The following ZSCAN5A variants were observed in gnomAD, a reference collection of about 807,000 sequenced individuals.
ZSCAN5A encodes zinc finger and SCAN domain-containing protein 5A.
A neutral mutation model predicts 23.7 loss-of-function variants in ZSCAN5A; 12 were observed. The ratio of observed to expected loss-of-function variants is 0.51; its 90% confidence interval spans 0.32 to 0.82. ZSCAN5A has a LOEUF of 0.82. ZSCAN5A is among the 40% of genes least tolerant of loss of function. ZSCAN5A has a pLI of 0.03. For synonymous variants in ZSCAN5A, 257 were observed against 239.9 expected (o/e 1.07, Z -0.66); for missense variants, 597 against 617.9 (o/e 0.97, Z 0.36).
intron 2 of ZSCAN5A, among the ~76,000 whole-genome samples, chr19:56,345,670 T>C (rs934145399): frequency 6.6e-6 from 1 of 152,190 alleles, no homozygotes; most frequent in Admixed American, 6.5e-5. Context: ...ATAGGGATTA[T>C]CTATCCTTTA....
intron 2 of ZSCAN5A, among the ~76,000 whole-genome samples, chr19:56,262,311 G>A (rs923962084): frequency 2.6e-5 from 4 of 151,916 alleles, no homozygotes; most frequent in African/African-American, 4.8e-5. Flanking sequence ...GAGCCACCGT[G>A]CCCGGCCCAC....
chr19:56,361,090 A>G (rs1568767896), intron 2 of ZSCAN5A, among the ~76,000 whole-genome samples: 1 of 152,246 alleles, frequency 6.6e-6, no homozygotes, highest in African/African-American at 2.4e-5. Context: ...AAAAAGCTGA[A>G]TATCACTGAT....
chr19:56,288,403 C>T (rs1019687280), intron 2 of ZSCAN5A, among the ~76,000 whole-genome samples: 1 of 152,206 alleles, frequency 6.6e-6, no homozygotes, highest in African/African-American at 2.4e-5. Flanking sequence ...CACAACATCA[C>T]TTCCCTCAAG....
intron 2 of ZSCAN5A, among the ~76,000 whole-genome samples, chr19:56,254,976 T>G (rs2036597291): frequency 6.6e-6 from 1 of 152,144 alleles, no homozygotes; most frequent in African/African-American, 2.4e-5. Context: ...GGTATCCCCC[T>G]ATTCCATTGG....
At chr19:56,302,461 C>T (rs1204714450) in intron 2 of ZSCAN5A, among the ~76,000 whole-genome samples, 1 of 144,636 alleles carries the variant, frequency 6.9e-6, no homozygotes, top group Admixed American at 6.9e-5. Flanking sequence ...TCTCCGTCTG[C>T]TTCCTCCCTC....
intron 2 of ZSCAN5A, among the ~76,000 whole-genome samples, chr19:56,286,045 G>A (rs1023916271): frequency 6.6e-5 from 10 of 152,000 alleles, no homozygotes; most frequent in Admixed American, 2.0e-4. Flanking sequence ...ATTTAGAGAC[G>A]GAGTCTCGCT....
chr19:56,260,664 A>G (rs775571595), intron 2 of ZSCAN5A, among the ~76,000 whole-genome samples: 1 of 152,208 alleles, frequency 6.6e-6, no homozygotes, highest in Non-Finnish European at 1.5e-5. Context: ...ATAAAGCTAC[A>G]GTGACCATCT....
Position 56,351,302 on chromosome 19 carries a change from C to T in ZSCAN5A, c.-358+11933G>A, listed in dbSNP as rs2041666029. 2.0e-5 allele frequency among the ~76,000 whole-genome samples: 3 copies of T among 152,056 alleles called. No homozygotes were observed. Among genetic ancestry groups the T allele is most frequent in the Admixed American group, 2.0e-4 (3 of 15,274 alleles). ...GTCCACTCAACATGGTGATTCCCAC[C>T]GTCTTCTCCTTGTTACCACCTGTGC... On this transcript the variant is annotated intron_variant, in intron 2 of 6. Coordinates refer to the ZSCAN5A transcript ENST00000587340. The surrounding 1 kb of genome is among the most constrained non-coding windows in gnomAD (Gnocchi z 4.8).
At chr19:56,319,770 A>G (rs1408462501), upstream of ZSCAN5A, 1 of 762,108 alleles carries the variant, frequency 1.3e-6, no homozygotes, top group Non-Finnish European at 2.4e-6. Context: ...GTCGCATCCT[A>G]AGCCCGGTCC....
intron 2 of ZSCAN5A, among the ~76,000 whole-genome samples, chr19:56,344,226 T>C (rs1272694518): frequency 6.6e-6 from 1 of 152,252 alleles, no homozygotes; most frequent in African/African-American, 2.4e-5. Context: ...ATAACAGTCC[T>C]TTCCCAAAAC....
At chr19:56,239,271 A>G (rs2035222632) in intron 2 of ZSCAN5A, among the ~76,000 whole-genome samples, 1 of 152,256 alleles carries the variant, frequency 6.6e-6, no homozygotes, top group African/African-American at 2.4e-5. Context: ...CTCTGAATTA[A>G]AAATGAATGA....
intron 2 of ZSCAN5A, chr19:56,228,482 A>G (rs976897791): frequency 2.1e-6 from 2 of 971,478 alleles, no homozygotes; most frequent in Non-Finnish European, 2.4e-6. Context: ...AAACATGCCT[A>G]CTGTGCAAAT....
chr19:56,247,270 T>C (rs2035990680), intron 2 of ZSCAN5A: 1 of 349,502 alleles, frequency 2.9e-6, no homozygotes, highest in African/African-American at 2.1e-5. Flanking sequence ...GATGTTCTCC[T>C]TGAAGTGTCA....
At chr19:56,232,914 C>G (rs1367555147) in intron 2 of ZSCAN5A, among the ~76,000 whole-genome samples, 1 of 152,034 alleles carries the variant, frequency 6.6e-6, no homozygotes, top group Non-Finnish European at 1.5e-5. Context: ...ACTCCTGGAC[C>G]CAAGCAATCC....
intron 2 of ZSCAN5A, among the ~76,000 whole-genome samples, chr19:56,342,268 ATTC>A (rs1247675395): frequency 6.6e-6 from 1 of 151,330 alleles, no homozygotes; most frequent in Non-Finnish European, 1.5e-5. Flanking sequence ...ACCATACAAG[ATTC>A]TTTCTCATAT....
chr19:56,293,679 A>G (rs1408123354), intron 2 of ZSCAN5A, among the ~76,000 whole-genome samples: 1 of 152,216 alleles, frequency 6.6e-6, no homozygotes, highest in Non-Finnish European at 1.5e-5. Context: ...TGCACTTGGC[A>G]GGATGATTCC....
intron 2 of ZSCAN5A, among the ~76,000 whole-genome samples, chr19:56,241,700 A>C (rs1162114273): frequency 6.6e-6 from 1 of 152,142 alleles, no homozygotes; most frequent in East Asian, 1.9e-4. Flanking sequence ...TCTCCAACTG[A>C]AATTTGTACC....
intron 2 of ZSCAN5A, among the ~76,000 whole-genome samples, chr19:56,329,029 A>ATAAG (rs1391941207): frequency 6.6e-6 from 1 of 151,174 alleles, no homozygotes; most frequent in Non-Finnish European, 1.5e-5. Context: ...AAATAAATAA[A>ATAAG]AGAAATGTAA....
intron 2 of ZSCAN5A, among the ~76,000 whole-genome samples, chr19:56,253,300 T>G (rs1600101859): frequency 2.1e-5 from 3 of 144,776 alleles, no homozygotes; most frequent in African/African-American, 7.6e-5. Context: ...CTCTGGATGG[T>G]CAGAAGAGCA....
Sources: gnomAD v4.1 joint callset for allele counts (sites outside exome capture counted in the v4.1 genomes callset) on GRCh38, gnomAD v4.1.1 for gene constraint, Gnocchi (gnomAD v3.1) non-coding constraint, MANE v1.5 for transcripts, NCBI Gene and HGNC (gene_info 2026-07-23, HGNC 2026-07-21) for gene names.